Variants in TRMT11 observed in about 807,000 individuals in gnomAD.
The protein encoded by TRMT11 is tRNA (guanine(10)-N(2))-methyltransferase TRMT11.
A neutral mutation model predicts 62.8 loss-of-function variants in TRMT11; 53 were observed. The ratio of observed to expected loss-of-function variants is 0.84; its 90% CI spans 0.68 to 1.06. The LOEUF (loss-of-function observed/expected upper bound fraction) is 1.06, where lower values mean the gene tolerates loss of function less well. Ranked by LOEUF, TRMT11 falls within the 50% of genes least tolerant of loss-of-function variation. The pLI is 0.00. For missense variants in TRMT11, 556 were observed against 553.4 expected (o/e 1.00, Z -0.05); for synonymous variants, 188 against 190.3 (o/e 0.99, Z 0.10).
exon 1 of TRMT11, chr6:126,177,313 A>C (rs981790305): frequency 6.6e-6 from 1 of 152,134 alleles, no homozygotes; most frequent in Non-Finnish European, 1.5e-5. Context: ...ATTTTTATCA[A>C]CATAAAGCAG....
rs1483189635 is a variant in TRMT11, at chr6:126,093,625, A to ATTTTTTTT, written c.*1438-19240_*1438-19239insTTTTTTTT. ...TATATATATATATATATATATATAT[A>ATTTTTTTT]TATATATTTTCCCCCAGTCCTGGAG... On this transcript the variant is annotated intron_variant and NMD_transcript_variant, in intron 17 of 22. Transcript: ENST00000648977. Among the ~76,000 whole-genome samples, 12 of 103,516 alleles carry ATTTTTTTT rather than the reference A, an allele frequency of 1.2e-4. 1 individual carries two copies. Among genetic ancestry groups the ATTTTTTTT allele is most frequent in the African/African-American group, 5.8e-4 (12 of 20,850 alleles). The allele number at this position is 103,516 out of a possible 152,430, so 67.9% of individuals were successfully genotyped here. A position where few individuals can be genotyped will look rare whatever the true frequency, so the allele number is the denominator to read the frequency against.
chr6:126,017,388 A>T (rs1795143014), intron 11 of TRMT11, among the ~76,000 whole-genome samples: 1 of 152,248 alleles, frequency 6.6e-6, no homozygotes. Context: ...GAAAATTGTG[A>T]GAGCTAATGA....
At chr6:126,115,848 A>T (rs1332647958) in exon 21 of TRMT11, among the ~76,000 whole-genome samples, 1 of 151,866 alleles carries the variant, frequency 6.6e-6, no homozygotes, top group Non-Finnish European at 1.5e-5. Context: ...TTCACCCTGG[A>T]GTGGCAGGCA....
chr6:126,230,717 A>G, the TRMT11 span, among the ~76,000 whole-genome samples: 1 of 152,154 alleles, frequency 6.6e-6, no homozygotes, highest in African/African-American at 2.4e-5. Context: ...GACTTTCACC[A>G]TTAACTAAGA....
chr6:126,119,764 T>C (rs1186328236), intron 21 of TRMT11, among the ~76,000 whole-genome samples: 1 of 151,996 alleles, frequency 6.6e-6, no homozygotes, highest in African/African-American at 2.4e-5. Context: ...AAAAACAAAT[T>C]GGAAATATTT....
At chr6:126,240,789 T>C in the TRMT11 span, among the ~76,000 whole-genome samples, 1 of 152,266 alleles carries the variant, frequency 6.6e-6, no homozygotes, top group African/African-American at 2.4e-5. Context: ...TTTGTTTGGC[T>C]ATGCCCTGCC....
At chr6:126,013,697 T>C (rs534558660) in intron 11 of TRMT11, among the ~76,000 whole-genome samples, 1 of 152,340 alleles carries the variant, frequency 6.6e-6, no homozygotes, top group South Asian at 2.1e-4. Context: ...TTTAGATTTT[T>C]GAAGTGTTGT....
intron 12 of TRMT11, among the ~76,000 whole-genome samples, chr6:126,028,046 C>G (rs1773516260): frequency 1.3e-5 from 2 of 152,184 alleles, no homozygotes; most frequent in African/African-American, 4.8e-5. Context: ...ATGCTGATGC[C>G]TATTTCCATT....
chr6:126,220,078 A>G, the TRMT11 span, among the ~76,000 whole-genome samples: 3 of 152,184 alleles, frequency 2.0e-5, no homozygotes, highest in Non-Finnish European at 1.5e-5. Context: ...ATCTTGACAC[A>G]TGCTTCTGAA....
intron 21 of TRMT11, among the ~76,000 whole-genome samples, chr6:126,124,418 T>G (rs1356835685): frequency 1.3e-5 from 2 of 152,080 alleles, no homozygotes; most frequent in Admixed American, 1.3e-4. Flanking sequence ...TGTCATAGAT[T>G]GCAATAACAG....
intron 21 of TRMT11, among the ~76,000 whole-genome samples, chr6:126,167,926 C>T (rs1007315728): frequency 2.0e-5 from 3 of 152,168 alleles, no homozygotes; most frequent in Non-Finnish European, 4.4e-5. Context: ...AGAATGTAAA[C>T]ATTTTATTCA....
At chr6:126,071,554 T>G (rs746579960) in intron 17 of TRMT11, among the ~76,000 whole-genome samples, 2 of 152,168 alleles carry the variant, frequency 1.3e-5, no homozygotes, top group Admixed American at 6.5e-5. Context: ...TGGTGGAATA[T>G]TAAAGATCTT....
At chr6:126,054,517 G>T (rs1472825395) in intron 17 of TRMT11, among the ~76,000 whole-genome samples, 1 of 152,208 alleles carries the variant, frequency 6.6e-6, no homozygotes, top group Non-Finnish European at 1.5e-5. Flanking sequence ...CACCGAGGGA[G>T]ATGATTTTTA....
chr6:126,026,947 C>T (rs1773263247), intron 12 of TRMT11, among the ~76,000 whole-genome samples: 1 of 151,262 alleles, frequency 6.6e-6, no homozygotes, highest in African/African-American at 2.4e-5. Context: ...GGACTACAGG[C>T]GCCTGCCACC....
At chr6:126,005,792 G>A (rs1327700145) in intron 7 of TRMT11, among the ~76,000 whole-genome samples, 1 of 151,950 alleles carries the variant, frequency 6.6e-6, no homozygotes, top group African/African-American at 2.4e-5. Context: ...GTGGATGCCA[G>A]TTGCTTTAGG....
intron 21 of TRMT11, among the ~76,000 whole-genome samples, chr6:126,123,937 C>G (rs934027897): frequency 1.3e-5 from 2 of 151,798 alleles, no homozygotes; most frequent in African/African-American, 4.8e-5. Flanking sequence ...GATTGAATAT[C>G]TGGGTTTTTA....
chr6:126,022,580 G>T (rs565555179), intron 12 of TRMT11, among the ~76,000 whole-genome samples: 1 of 151,866 alleles, frequency 6.6e-6, no homozygotes, highest in African/African-American at 2.4e-5. Flanking sequence ...CCTTCATACC[G>T]CTAGTTTATA....
At chr6:126,018,061 G>C (rs1343610115) in intron 11 of TRMT11, among the ~76,000 whole-genome samples, 2 of 152,164 alleles carry the variant, frequency 1.3e-5, no homozygotes, top group Non-Finnish European at 2.9e-5. Flanking sequence ...CCAGCTGCTA[G>C]TGTTAGTGAT....
chr6:126,228,439 C>A, the TRMT11 span, among the ~76,000 whole-genome samples: 1 of 152,178 alleles, frequency 6.6e-6, no homozygotes, highest in Non-Finnish European at 1.5e-5. Flanking sequence ...TTTTGCCCTG[C>A]GGTGACTCTC....
Sources: allele counts gnomAD v4.1 joint callset (sites outside exome capture counted in the v4.1 genomes callset), GRCh38; gene constraint gnomAD v4.1.1; transcripts MANE v1.5; gene names NCBI Gene and HGNC (gene_info 2026-07-23, HGNC 2026-07-21).